The following VWA3A variants were observed in gnomAD, a reference collection of about 807,000 sequenced individuals.
VWA3A encodes von Willebrand factor A domain containing 3A.
In VWA3A, 134 loss-of-function variants were observed where a neutral mutation model predicts 160.4. The ratio of observed to expected loss-of-function variants is 0.84; its 90% confidence interval spans 0.73 to 0.96. The LOEUF (loss-of-function observed/expected upper bound fraction) is 0.96. VWA3A is among the 40% of genes least tolerant of loss of function. The pLI is 0.00. For synonymous variants in VWA3A, 476 were observed against 543.4 expected, an observed-to-expected ratio of 0.88 and a Z score of 1.72; for missense variants, 1,310 against 1,447.9, an observed-to-expected ratio of 0.90 and a Z score of 1.55.
chr16:22,137,726 C>T (rs1016728745), intron 21 of VWA3A, among the ~76,000 whole-genome samples: 1 of 152,134 alleles, frequency 6.6e-6, no homozygotes, highest in African/African-American at 2.4e-5. Flanking sequence ...GAGTCATGGG[C>T]AGGGGAGATG....
intron 16 of VWA3A, among the ~76,000 whole-genome samples, 190 bp downstream of exon 16, chr16:22,123,897 T>C (rs1040721613): frequency 2.0e-5 from 3 of 152,064 alleles, no homozygotes; most frequent in African/African-American, 7.2e-5. Flanking sequence ...AATGTCATCA[T>C]TGTGTCACTG....
intron 19 of VWA3A, 35 bp from the exon 20 acceptor site, chr16:22,132,865 G>A (rs755072896): frequency 1.9e-6 from 3 of 1,592,824 alleles, no homozygotes; most frequent in South Asian, 2.2e-5. Flanking sequence ...AAGGCCCTCA[G>A]CTGCTGGCCC....
rs755381145 is a variant in VWA3A at position 22,138,386 on chromosome 16, G to A, written c.2166G>A (p.Lys722=). 1.2e-6 allele frequency: 2 copies of A among 1,603,800 alleles called. No homozygotes were observed. The highest frequency in any genetic ancestry group is 1.7e-6 in the Non-Finnish European group (2 of 1,175,528). The change falls in exon 22 of 34, where the codon AAG becomes AAA. Residue 722 remains lysine (K), a synonymous_variant. Transcript: ENST00000389398. ...QKCAFLMASL[K]NHSGKVLGSS... ...GTGCCTTCCTCATGGCCTCCCTGAA[G>A]AACCATTCAGGAAAAGTACTGGGAA...
intron 8 of VWA3A, among the ~76,000 whole-genome samples, chr16:22,114,270 A>G (rs950351657): frequency 2.6e-5 from 4 of 152,218 alleles, no homozygotes; most frequent in Non-Finnish European, 5.9e-5. Flanking sequence ...CACTAGTGCT[A>G]TGCAAAATTT....
Position 22,143,571 on chromosome 16 carries a change from G to C in VWA3A, c.2593-676G>C, listed in dbSNP as rs192555062. On this transcript the variant is annotated intron_variant, in intron 25 of 33. Transcript: ENST00000389398. ...AGAGTCTAAGCTTTAGACCAATCAG[G>C]GCTTTCCACTCAAATATTGTAGGTG... is the stretch of plus-strand genomic sequence containing the variant. Among the ~76,000 whole-genome samples the C allele has an allele frequency of 4.2e-3, 640 of 152,106 alleles. 7 individuals carry two copies. The highest frequency in any genetic ancestry group is 0.015 in the African/African-American group (605 of 41,498).
rs1293636880 is a variant in VWA3A, at chr16:22,149,845, A to G, written c.3043A>G (p.Thr1015Ala). 1 of 1,611,086 alleles carries G rather than the reference A, an allele frequency of 6.2e-7. No homozygotes were observed. Among genetic ancestry groups the G allele is most frequent in the Non-Finnish European group, 8.5e-7 (1 of 1,178,410 alleles). ...GTCATGGCAGGACACGCTGGTGGAG[A>G]CCACAGATGCAGCGTGTCATGAGGC... Reference protein sequence around the residue: ...FQSWQDTLVETTDAACHEAMQ... With the variant: ...FQSWQDTLVEATDAACHEAMQ... Residue 1015 changes from threonine (T) to alanine (A), a missense_variant, in exon 29 of 34, where the codon ACC becomes GCC. Thr to Ala is a moderately conservative substitution (Grantham distance 58). Coordinates refer to ENST00000389398, the MANE Select transcript of VWA3A (RefSeq NM_173615.5).
At chr16:22,110,702 C>T (rs984104700) in intron 7 of VWA3A, among the ~76,000 whole-genome samples, 186 bp from the exon 8 acceptor site, 7 of 152,228 alleles carry the variant, frequency 4.6e-5, no homozygotes, top group African/African-American at 1.4e-4. Context: ...GCTCATCCCA[C>T]CCACAGGAGG....
chr16:22,140,116 G>A, intron 22 of VWA3A, 38 bp from the exon 23 acceptor site: 1 of 1,594,758 alleles, frequency 6.3e-7, no homozygotes, highest in Non-Finnish European at 8.6e-7. Flanking sequence ...GTGACACAGG[G>A]AACACTCCTC....
At chr16:22,142,794 C>T (rs2046176045) in intron 25 of VWA3A, 29 bp downstream of exon 25, 2 of 1,486,472 alleles carry the variant, frequency 1.3e-6, no homozygotes, top group Non-Finnish European at 9.2e-7. Flanking sequence ...TAGCACATGC[C>T]CATTAAGCAA....
At chr16:22,144,460 A>T (rs2046212071) in intron 26 of VWA3A, 76 bp downstream of exon 26, 3 of 1,540,440 alleles carry the variant, frequency 1.9e-6, no homozygotes, top group Non-Finnish European at 2.6e-6. Flanking sequence ...AGTGTAGGGC[A>T]CTGTGGCCTC....
intron 32 of VWA3A, 39 bp downstream of exon 32, chr16:22,155,703 C>T: frequency 6.2e-7 from 1 of 1,606,808 alleles, no homozygotes; most frequent in South Asian, 1.1e-5. Context: ...TGCCATGTGG[C>T]TACAGCCCAT....
At chr16:22,116,324 A>C (rs1468069903) in intron 9 of VWA3A, 1 of 435,434 alleles carries the variant, frequency 2.3e-6, no homozygotes, top group East Asian at 7.0e-5. Context: ...AAGGAAGGAA[A>C]GATGGAAGAG....
intron 14 of VWA3A, 106 bp downstream of exon 14, chr16:22,121,723 CTT>C (rs1484416963): frequency 2.3e-6 from 2 of 888,056 alleles, no homozygotes; most frequent in Non-Finnish European, 3.6e-6. Context: ...GGGATTCAGG[CTT>C]CCCACCCAGG....
chr16:22,113,287 G>A (rs967617091), intron 8 of VWA3A, among the ~76,000 whole-genome samples: 2 of 147,856 alleles, frequency 1.4e-5, no homozygotes, highest in Admixed American at 1.4e-4. Context: ...TGCTTCCTGG[G>A]TTCAAGCAAT....
chr16:22,127,530 C>T (rs374292329), intron 17 of VWA3A, among the ~76,000 whole-genome samples: 6 of 152,112 alleles, frequency 3.9e-5, no homozygotes, highest in African/African-American at 1.4e-4. Context: ...TATACAACCT[C>T]ATACCAAATA....
At chr16:22,115,923 A>AAGGAAGGAAGG (rs1156229417) in intron 9 of VWA3A, among the ~76,000 whole-genome samples, 43 of 19,544 alleles carry the variant, frequency 2.2e-3, no homozygotes, top group South Asian at 4.5e-3. Flanking sequence ...GGAAGGAAGG[A>AAGGAAGGAAGG]AAGGAAAGGA....
rs2045386764 is a variant in VWA3A at position 22,100,213 on chromosome 16, C to T, written c.245C>T (p.Thr82Ile). 6.5e-7 allele frequency: 1 copy of T among 1,548,942 alleles called. No individual in the cohort carries two copies. The change falls in exon 4 of 34, where the codon ACC (threonine) becomes ATC (isoleucine). Residue 82 changes from threonine (T) to isoleucine (I), a missense_variant. Physicochemically the swap from Thr to Ile is moderately conservative, Grantham distance 89 (BLOSUM62 -1). Coordinates refer to ENST00000389398, the MANE Select transcript of VWA3A (RefSeq NM_173615.5). ...TTGCAGAGGCTGCAGGGGAGTGAGA[C>T]CCAGTCTTCAGATTGGGAGGACTCT... ...QDLLRLQGSETQSSDWEDSED... is the reference protein window; with the variant it reads ...QDLLRLQGSEIQSSDWEDSED...
Position 22,153,595 on chromosome 16 carries a change from T to C in VWA3A, c.3405+961T>C, listed in dbSNP as rs143616774. Reference sequence around the variant, plus strand: ...ATCCACTTCTGACTTAATAGGAAAATTCTGCACTTATTTATACCTTTTAGG... The same window carrying C: ...ATCCACTTCTGACTTAATAGGAAAACTCTGCACTTATTTATACCTTTTAGG... On this transcript the variant is annotated intron_variant, in intron 31 of 33. Coordinates refer to ENST00000389398, the MANE Select transcript of VWA3A (RefSeq NM_173615.5). 7.9e-5 allele frequency among the ~76,000 whole-genome samples: 12 copies of C among 152,242 alleles called. No individual in the cohort carries two copies. In the East Asian group the frequency reaches 2.3e-3, roughly 29 times the overall value.
intron 2 of VWA3A, among the ~76,000 whole-genome samples, chr16:22,097,163 C>T (rs1233715231): frequency 6.6e-6 from 1 of 151,992 alleles, no homozygotes; most frequent in Non-Finnish European, 1.5e-5. Flanking sequence ...GACAGGGTTT[C>T]ACCGTGTTAA....
Sources: allele counts gnomAD v4.1 joint callset (sites outside exome capture counted in the v4.1 genomes callset), GRCh38; gene constraint gnomAD v4.1.1; transcripts MANE v1.5; gene names NCBI Gene and HGNC (gene_info 2026-07-23, HGNC 2026-07-21).